HCRTR2: variants seen among roughly 807,000 people sequenced by gnomAD.
HCRTR2 encodes the protein hypocretin receptor 2.
HCRTR2 carries 22 observed loss-of-function variants against 49.0 expected under a neutral mutation model. The ratio of observed to expected loss-of-function variants is 0.45; its 90% CI spans 0.32 to 0.64. The LOEUF is 0.64. HCRTR2 is among the 30% of genes least tolerant of loss of function. HCRTR2 has a pLI of 0.04. For missense variants in HCRTR2, 491 were observed against 559.4 expected, an observed-to-expected ratio of 0.88 and a Z score of 1.23; for synonymous variants, 236 against 205.3, an observed-to-expected ratio of 1.15 and a Z score of -1.28.
chr6:55,168,877 GC>G (rs1764912032), intron 1 of HCRTR2, among the ~76,000 whole-genome samples: 1 of 151,928 alleles, frequency 6.6e-6, no homozygotes, highest in Non-Finnish European at 1.5e-5. Flanking sequence ...ACAGAGCTTG[GC>G]CCATGTAATC....
intron 1 of HCRTR2, among the ~76,000 whole-genome samples, chr6:55,218,535 C>A (rs760502704): frequency 7.9e-5 from 12 of 152,084 alleles, no homozygotes; most frequent in Non-Finnish European, 1.3e-4. Context: ...AATTTGTAGA[C>A]ACACATAGGA....
chr6:55,188,713 C>G (rs1157972210), intron 1 of HCRTR2, among the ~76,000 whole-genome samples: 1 of 152,134 alleles, frequency 6.6e-6, no homozygotes, highest in Non-Finnish European at 1.5e-5. Context: ...TGGTTCTTAC[C>G]TACAAGGAAT....
At chr6:55,276,010 T>G (rs1767071163) in intron 4 of HCRTR2, among the ~76,000 whole-genome samples, 1 of 152,210 alleles carries the variant, frequency 6.6e-6, no homozygotes, top group Non-Finnish European at 1.5e-5. Context: ...TACAGGCTTT[T>G]CATGATAGGA....
At chr6:55,192,413 G>GCACACACACA (rs1554171107) in intron 1 of HCRTR2, among the ~76,000 whole-genome samples, 36 of 128,526 alleles carry the variant, frequency 2.8e-4, no homozygotes, top group East Asian at 1.6e-3. Context: ...GCGCGCGCGC[G>GCACACACACA]CACACACACA....
intron 1 of HCRTR2, among the ~76,000 whole-genome samples, chr6:55,192,317 G>T (rs1324016870): frequency 2.0e-5 from 3 of 152,106 alleles, no homozygotes; most frequent in African/African-American, 7.2e-5. Context: ...ACTTTGGGAA[G>T]CTGAGGTGGA....
intron 1 of HCRTR2, among the ~76,000 whole-genome samples, chr6:55,184,731 C>A (rs1765188859): frequency 6.6e-6 from 1 of 152,132 alleles, no homozygotes; most frequent in Admixed American, 6.5e-5. Flanking sequence ...TCCTAGTTCA[C>A]AATGGAAATA....
In HCRTR2 at chr6:55,282,563, CTTT is replaced by C; in HGVS notation, c.*119_*121del. 1.3e-5 allele frequency: 7 copies of C among 551,968 alleles called. No individual in the cohort carries two copies. The highest frequency in any genetic ancestry group is 2.2e-5 in the South Asian group (1 of 46,436). The allele number at this position is 551,968 out of a possible 1,614,324, so 34.2% of individuals were successfully genotyped here. Reference sequence around the variant, plus strand: ...TGTGAAGCTAAAATTACTTGTGGATCTTTTTTTTTTTTAATCTATTGCTCTTTG... The same window carrying C: ...TGTGAAGCTAAAATTACTTGTGGATCTTTTTTTTTAATCTATTGCTCTTTG... On this transcript the variant is annotated 3_prime_UTR_variant, in exon 7 of 7. Coordinates refer to ENST00000370862, the MANE Select transcript of HCRTR2 (RefSeq NM_001384272.1).
chr6:55,206,619 T>C (rs1452045314), intron 1 of HCRTR2, among the ~76,000 whole-genome samples: 3 of 152,010 alleles, frequency 2.0e-5, no homozygotes, highest in African/African-American at 7.2e-5. Flanking sequence ...GTAATCTTTC[T>C]AAAAATATCA....
rs117876677 is a variant in HCRTR2, at chr6:55,157,374, G to T, written c.-377-16837G>T. Among the ~76,000 whole-genome samples, 11 of 152,320 alleles carry T rather than the reference G, an allele frequency of 7.2e-5. No individual in the cohort carries two copies. The East Asian group carries it at 1.9e-3, about 27-fold the overall frequency. On this transcript the variant is annotated intron_variant, in intron 1 of 7. Coordinates refer to the HCRTR2 transcript ENST00000615358. Reference sequence around the variant, plus strand: ...AAATGTCATTAAAAATAGTTAAAGAGAATCTAAGCACATTGCAGTTTTCTG... The same window carrying T: ...AAATGTCATTAAAAATAGTTAAAGATAATCTAAGCACATTGCAGTTTTCTG...
At chr6:55,234,899 T>C (rs1766185537) in intron 1 of HCRTR2, among the ~76,000 whole-genome samples, 1 of 152,136 alleles carries the variant, frequency 6.6e-6, no homozygotes, top group Non-Finnish European at 1.5e-5. Flanking sequence ...ATAAGAATGT[T>C]AGTAACAGCC....
intron 1 of HCRTR2, among the ~76,000 whole-genome samples, chr6:55,195,841 G>A (rs1012809005): frequency 6.6e-6 from 1 of 152,098 alleles, no homozygotes; most frequent in Non-Finnish European, 1.5e-5. Context: ...GGTGGTGGGT[G>A]CCTGTAGTCC....
At chr6:55,246,083 G>A (rs768831415) in intron 1 of HCRTR2, among the ~76,000 whole-genome samples, 21 of 151,938 alleles carry the variant, frequency 1.4e-4, no homozygotes, top group African/African-American at 4.8e-4. Flanking sequence ...AAGCTAAAGA[G>A]CACCAAAGAT....
At chr6:55,106,708 G>A (rs1268817140) in intron 1 of HCRTR2, among the ~76,000 whole-genome samples, 2 of 151,928 alleles carry the variant, frequency 1.3e-5, no homozygotes, top group African/African-American at 4.8e-5. Flanking sequence ...TCAACTTTTT[G>A]TTAACCACCA....
chr6:55,198,202 A>G (rs563866930), intron 1 of HCRTR2, among the ~76,000 whole-genome samples: 1 of 152,198 alleles, frequency 6.6e-6, no homozygotes, highest in South Asian at 2.1e-4. Context: ...CTGTATCTCT[A>G]CCCCATCACT....
chr6:55,219,861 A>G (rs1765856962), intron 1 of HCRTR2, among the ~76,000 whole-genome samples: 1 of 152,040 alleles, frequency 6.6e-6, no homozygotes. Flanking sequence ...ATAAAAAAGG[A>G]GCTATTGCAA....
intron 3 of HCRTR2, among the ~76,000 whole-genome samples, chr6:55,256,215 A>T (rs921094336): frequency 6.0e-5 from 9 of 150,774 alleles, no homozygotes; most frequent in South Asian, 2.1e-4. Flanking sequence ...ATATATATTT[A>T]AAAAAAAACC....
chr6:55,140,759 C>A (rs1388892498), intron 1 of HCRTR2, among the ~76,000 whole-genome samples: 2 of 152,088 alleles, frequency 1.3e-5, no homozygotes, highest in East Asian at 3.9e-4. Flanking sequence ...AGGAAATTAA[C>A]CTTTCAATTT....
At chr6:55,114,622 G>T (rs1180802032) in intron 1 of HCRTR2, among the ~76,000 whole-genome samples, 2 of 151,806 alleles carry the variant, frequency 1.3e-5, no homozygotes, top group Non-Finnish European at 2.9e-5. Flanking sequence ...ATATGGAAAA[G>T]GAAAATGCTG....
intron 1 of HCRTR2, among the ~76,000 whole-genome samples, chr6:55,134,089 T>C (rs562578035): frequency 6.6e-6 from 1 of 151,960 alleles, no homozygotes; most frequent in African/African-American, 2.4e-5. Flanking sequence ...CTTACGTACC[T>C]CTTCATTTCT....
Sources: allele counts gnomAD v4.1 joint callset (sites outside exome capture counted in the v4.1 genomes callset), GRCh38; gene constraint gnomAD v4.1.1; transcripts MANE v1.5; gene names NCBI Gene and HGNC (gene_info 2026-07-23, HGNC 2026-07-21).